ABI3BP: variants seen among roughly 807,000 people sequenced by gnomAD.
ABI3BP encodes the protein target of Nesh-SH3.
A neutral mutation model predicts 268.6 loss-of-function variants in ABI3BP; 216 were observed. That is an observed-to-expected ratio of 0.80 (90% CI 0.72 to 0.90). The LOEUF is 0.90. Ranked by LOEUF, ABI3BP falls within the 40% of genes least tolerant of loss-of-function variation. ABI3BP has a pLI of 0.00. For synonymous variants in ABI3BP, 730 were observed against 730.0 expected (o/e 1.00, Z 0.00); for missense variants, 2,090 against 2,182.4 (o/e 0.96, Z 0.84).
Position 100,851,992 on chromosome 3 carries a change from T to C in ABI3BP, c.1286-52A>G, listed in dbSNP as rs1026236498. On this transcript the variant is annotated intron_variant, in intron 14 of 67. Coordinates refer to ENST00000471714, the MANE Select transcript of ABI3BP (RefSeq NM_001375547.2). ...AGAGAGATGTTAATTTTGGTTAAAT[T>C]TGATTAATTTAGAAAGATTACATGA... The C allele has an allele frequency of 1.9e-5, 28 of 1,439,576 alleles. No individual in the cohort carries two copies. The East Asian group carries it at 5.2e-4, about 27-fold the overall frequency. 89.2% of individuals were successfully genotyped at this position (1,439,576 alleles called of 1,614,324 possible).
intron 35 of ABI3BP, among the ~76,000 whole-genome samples, chr3:100,825,373 G>A (rs559915552): frequency 2.1e-4 from 26 of 121,604 alleles, no homozygotes; most frequent in Non-Finnish European, 2.7e-4. Flanking sequence ...AAACATACTG[G>A]GCATTTTTTT....
chr3:100,960,393 A>T (rs891861648), intron 1 of ABI3BP, among the ~76,000 whole-genome samples: 1 of 152,218 alleles, frequency 6.6e-6, no homozygotes, highest in African/African-American at 2.4e-5. Context: ...CAAATCACAT[A>T]TCCAAAAGAC....
At chr3:100,984,850 A>G (rs1287874436) in intron 1 of ABI3BP, among the ~76,000 whole-genome samples, 18 of 152,128 alleles carry the variant, frequency 1.2e-4, no homozygotes, top group African/African-American at 4.8e-5. Context: ...AAGACTGTAC[A>G]CTAGAGAAGA....
At chr3:100,842,386 C>A (rs995235760) in intron 20 of ABI3BP, among the ~76,000 whole-genome samples, 7 of 152,152 alleles carry the variant, frequency 4.6e-5, no homozygotes. Context: ...CCAGGTTCAT[C>A]CAAGGAAATG....
At chr3:100,885,642 A>G (rs2041638195) in intron 5 of ABI3BP, 54 bp from the exon 6 acceptor site, 1 of 1,078,350 alleles carries the variant, frequency 9.3e-7, no homozygotes, top group South Asian at 1.5e-5. Context: ...CTCCTAAATC[A>G]ACTCTAGCTA....
chr3:100,978,672 C>T (rs941767111), intron 1 of ABI3BP, among the ~76,000 whole-genome samples: 1 of 152,186 alleles, frequency 6.6e-6, no homozygotes, highest in African/African-American at 2.4e-5. Context: ...TTTTTTTCTA[C>T]AGACATTTAT....
At chr3:100,924,965 G>T (rs189717406) in intron 2 of ABI3BP, among the ~76,000 whole-genome samples, 55 of 152,228 alleles carry the variant, frequency 3.6e-4, no homozygotes, top group African/African-American at 1.3e-3. Context: ...ACGGCTTCCG[G>T]TCACTTTTTA....
chr3:100,910,266 G>A (rs752931184), intron 2 of ABI3BP, among the ~76,000 whole-genome samples: 6 of 152,030 alleles, frequency 3.9e-5, no homozygotes, highest in African/African-American at 7.3e-5. Context: ...TTGGGAAGTC[G>A]GGGGCAGGAG....
At chr3:100,983,121 T>A (rs1336965426) in intron 1 of ABI3BP, among the ~76,000 whole-genome samples, 1 of 152,192 alleles carries the variant, frequency 6.6e-6, no homozygotes, top group African/African-American at 2.4e-5. Context: ...CAGAATTGTA[T>A]TTAACGAGAA....
rs1394863242 is a variant in ABI3BP, at chr3:100,801,437, AAAAG to A, written c.3757+3351_3757+3354del. 2.0e-4 allele frequency among the ~76,000 whole-genome samples: 29 copies of A among 144,840 alleles called. 2 individuals are homozygous for A. In the East Asian group the frequency reaches 5.7e-3, roughly 28 times the overall value. ...AGTGATATCCTGTCAAAAAAAAAAAAAAAGAAAAGAAAAGAAAAGAAAAAAAGAT... is the reference window on the plus strand; with the variant it reads ...AGTGATATCCTGTCAAAAAAAAAAAAAAAAGAAAAGAAAAGAAAAAAAGAT... On this transcript the variant is annotated intron_variant, in intron 51 of 67. Transcript: ENST00000471714.
At position 100,874,505 on chromosome 3, in the gene ABI3BP, T is replaced by C. The variant is rs2099141047; in HGVS notation, c.910+336A>G. On this transcript the variant is annotated intron_variant, in intron 9 of 67. Transcript: ENST00000471714. ...AACCTGACCTTCACATCAATTCTCA[T>C]TGCAAATACCTAGTCGCCCCATAAT... 2.6e-5 allele frequency among the ~76,000 whole-genome samples: 4 copies of C among 152,204 alleles called. No individual in the cohort carries two copies. In the South Asian group the frequency reaches 8.3e-4, roughly 32 times the overall value.
intron 1 of ABI3BP, among the ~76,000 whole-genome samples, chr3:100,952,420 AAAAT>A (rs1361135317): frequency 1.3e-5 from 2 of 152,190 alleles, no homozygotes; most frequent in Non-Finnish European, 2.9e-5. Context: ...TTGTTAATTA[AAAAT>A]AAATAATAAG....
intron 2 of ABI3BP, among the ~76,000 whole-genome samples, chr3:100,918,991 A>G (rs555800555): frequency 1.3e-5 from 2 of 152,262 alleles, no homozygotes; most frequent in South Asian, 4.2e-4. Flanking sequence ...ATCCCTGCAT[A>G]ACTGCCATCT....
At chr3:100,857,974 C>T (rs1039483875) in intron 14 of ABI3BP, among the ~76,000 whole-genome samples, 2 of 152,224 alleles carry the variant, frequency 1.3e-5, no homozygotes, top group African/African-American at 2.4e-5. Flanking sequence ...ATGGAAGACA[C>T]TGAGAACTTT....
Position 100,862,861 on chromosome 3 carries a change from A to G in ABI3BP, c.1187T>C (p.Phe396Ser). ...ACCCAATGTGCCCCTAGGTTTCTCAAAAGGGAAGGGTGTTTTTGCCTCAGG... is the reference window on the plus strand; with the variant it reads ...ACCCAATGTGCCCCTAGGTTTCTCAGAAGGGAAGGGTGTTTTTGCCTCAGG... ...EFPEAKTPFP[F>S]EKPRGTLASS... The change falls in exon 13 of 68, where the codon TTT becomes TCT. Residue 396 changes from phenylalanine to serine, a missense_variant. By Grantham distance (155) the Phe-to-Ser change is radical. Transcript: ENST00000471714. 6.5e-7 allele frequency: 1 copy of G among 1,535,732 alleles called. No individual in the cohort carries two copies. The highest frequency in any genetic ancestry group is 1.7e-4 in the Middle Eastern group (1 of 5,984).
At chr3:100,888,153 C>G (rs2042845939) in intron 4 of ABI3BP, among the ~76,000 whole-genome samples, 1 of 152,046 alleles carries the variant, frequency 6.6e-6, no homozygotes, top group African/African-American at 2.4e-5. Flanking sequence ...AAGCTGTGCT[C>G]AGGGCTCCAT....
Position 100,790,507 on chromosome 3 carries a change from T to C in ABI3BP, c.4025-991A>G, listed in dbSNP as rs146152006. Among the ~76,000 whole-genome samples, 535 of 152,162 alleles carry C rather than the reference T, an allele frequency of 3.5e-3. 5 individuals carry two copies. Among genetic ancestry groups the C allele is most frequent in the Non-Finnish European group, 5.3e-3 (360 of 67,960 alleles). On this transcript the variant is annotated intron_variant, in intron 55 of 67. Coordinates refer to ENST00000471714, the MANE Select transcript of ABI3BP (RefSeq NM_001375547.2). ...TGCCTTGCCTACTAAGTTAAAAAAGTATGCCTGTGAAATTGGTTATAATGT... is the reference window on the plus strand; with the variant it reads ...TGCCTTGCCTACTAAGTTAAAAAAGCATGCCTGTGAAATTGGTTATAATGT...
intron 26 of ABI3BP, among the ~76,000 whole-genome samples, chr3:100,837,508 C>T (rs2098616131): frequency 6.6e-6 from 1 of 152,148 alleles, no homozygotes; most frequent in Non-Finnish European, 1.5e-5. Flanking sequence ...AATCCCAGCA[C>T]TTTGGGAGGC....
chr3:100,811,815 G>T lies in ABI3BP; in HGVS notation c.3422-16C>A. 2.0e-6 allele frequency: 3 copies of T among 1,534,480 alleles called. No homozygotes were observed. Among genetic ancestry groups the T allele is most frequent in the South Asian group, 2.4e-5 (2 of 84,006 alleles). The stretch of plus-strand genomic sequence containing the variant: ...TTGGCTGGTGCTAGGGAAGAAACGG[G>T]AATGGCTGGTTAGTGGTGGCCAACC... On this transcript the variant is annotated splice_polypyrimidine_tract_variant and intron_variant, in intron 46 of 67. Coordinates refer to ENST00000471714, the MANE Select transcript of ABI3BP (RefSeq NM_001375547.2).
Sources: allele counts gnomAD v4.1 joint callset (sites outside exome capture counted in the v4.1 genomes callset), GRCh38; gene constraint gnomAD v4.1.1; transcripts MANE v1.5; gene names NCBI Gene and HGNC (gene_info 2026-07-23, HGNC 2026-07-21).